CFAP299: variants seen among roughly 807,000 people sequenced by gnomAD.
The protein encoded by CFAP299 is cilia- and flagella-associated protein 299.
In CFAP299, 21 loss-of-function variants were observed where a neutral mutation model predicts 27.0. The observed-to-expected ratio is 0.78, with a 90% CI of 0.55 to 1.12. CFAP299 has a LOEUF of 1.12. Ranked by LOEUF, CFAP299 falls within the 50% of genes most tolerant of loss-of-function variation. CFAP299 has a pLI of 0.00. For synonymous variants in CFAP299, 104 were observed against 98.1 expected (o/e 1.06, Z -0.36); for missense variants, 310 against 276.6 (o/e 1.12, Z -0.86).
the CFAP299 span, among the ~76,000 whole-genome samples, chr4:80,328,323 A>G: frequency 1.3e-5 from 2 of 152,202 alleles, no homozygotes; most frequent in African/African-American, 4.8e-5. Context: ...GAGTGGGAGA[A>G]ATGGACAAAG....
chr4:80,824,193 C>A lies in CFAP299; in HGVS notation c.334-45800C>A, dbSNP rs959889507. Among the ~76,000 whole-genome samples, 6 of 152,216 alleles carry A rather than the reference C, an allele frequency of 3.9e-5. No homozygotes were observed. The East Asian group carries it at 9.7e-4, about 24-fold the overall frequency. On this transcript the variant is annotated intron_variant, in intron 3 of 5. Coordinates refer to ENST00000358105, the MANE Select transcript of CFAP299 (RefSeq NM_152770.3). ...TTGGTTTTGTATGAATACTTTGGAA[C>A]TTTTAAGTCTATTGAAGGCTTTAAG...
chr4:80,385,821 G>T (rs937046581), intron 2 of CFAP299, among the ~76,000 whole-genome samples: 3 of 152,262 alleles, frequency 2.0e-5, no homozygotes, highest in Non-Finnish European at 4.4e-5. Context: ...CCTGGAGGCA[G>T]CCTGGAGGCA....
At chr4:80,566,204 C>T (rs1735274516) in intron 2 of CFAP299, among the ~76,000 whole-genome samples, 2 of 152,008 alleles carry the variant, frequency 1.3e-5, no homozygotes, top group South Asian at 4.1e-4. Context: ...AACTTATATC[C>T]CAGTATTTCA....
intron 4 of CFAP299, among the ~76,000 whole-genome samples, chr4:80,908,484 A>G (rs1056890620): frequency 2.6e-5 from 4 of 152,196 alleles, no homozygotes; most frequent in South Asian, 2.1e-4. Context: ...AAGTTTGGAA[A>G]AAATTAGTGG....
At chr4:80,925,227 T>A (rs1473256643) in intron 4 of CFAP299, among the ~76,000 whole-genome samples, 1 of 152,014 alleles carries the variant, frequency 6.6e-6, no homozygotes, top group Non-Finnish European at 1.5e-5. Context: ...ACTCTTAATC[T>A]TCTTCTTCTG....
At chr4:80,418,619 C>T (rs909526990) in intron 2 of CFAP299, among the ~76,000 whole-genome samples, 3 of 152,156 alleles carry the variant, frequency 2.0e-5, no homozygotes, top group Admixed American at 6.5e-5. Flanking sequence ...GGCTTCGTAT[C>T]CTTTGACTAT....
chr4:80,390,638 CAT>C (rs1281301755), intron 2 of CFAP299, among the ~76,000 whole-genome samples: 8 of 128,738 alleles, frequency 6.2e-5, no homozygotes, highest in African/African-American at 1.8e-4. Context: ...TATGTATACA[CAT>C]ATATGTATGT....
chr4:80,325,131 CAAAT>C, the CFAP299 span, among the ~76,000 whole-genome samples: 4 of 152,120 alleles, frequency 2.6e-5, no homozygotes, highest in African/African-American at 4.8e-5. Flanking sequence ...TCAAAACAAA[CAAAT>C]AATCAGAAAA....
chr4:80,527,039 G>C (rs1453972899), intron 2 of CFAP299, among the ~76,000 whole-genome samples: 1 of 152,072 alleles, frequency 6.6e-6, no homozygotes, highest in Non-Finnish European at 1.5e-5. Flanking sequence ...CTAATACCTA[G>C]GGAAGCCATT....
At chr4:80,736,348 C>G (rs1723870948) in intron 3 of CFAP299, among the ~76,000 whole-genome samples, 1 of 151,980 alleles carries the variant, frequency 6.6e-6, no homozygotes, top group Admixed American at 6.6e-5. Flanking sequence ...AATCCTTTCC[C>G]CATTGCTTGT....
chr4:80,576,974 C>T (rs1365872897), intron 2 of CFAP299, among the ~76,000 whole-genome samples: 2 of 152,202 alleles, frequency 1.3e-5, no homozygotes, highest in Admixed American at 6.5e-5. Context: ...GACCAGCCGA[C>T]TCTGATTACT....
intron 3 of CFAP299, among the ~76,000 whole-genome samples, chr4:80,659,678 G>A (rs2109979610): frequency 6.6e-6 from 1 of 152,114 alleles, no homozygotes; most frequent in Non-Finnish European, 1.5e-5. Flanking sequence ...ACTTATACAA[G>A]ACTTCTCATG....
At chr4:80,505,910 G>A (rs960260983) in intron 2 of CFAP299, among the ~76,000 whole-genome samples, 48 of 151,940 alleles carry the variant, frequency 3.2e-4, no homozygotes, top group African/African-American at 1.1e-3. Flanking sequence ...AGTGCTCTAT[G>A]ATTATGGCTA....
chr4:80,836,570 G>A (rs1730571568), intron 3 of CFAP299, among the ~76,000 whole-genome samples: 1 of 152,118 alleles, frequency 6.6e-6, no homozygotes, highest in African/African-American at 2.4e-5. Flanking sequence ...AATCACAACT[G>A]GGAAAGGTTG....
intron 2 of CFAP299, among the ~76,000 whole-genome samples, chr4:80,424,110 T>C (rs936460004): frequency 6.6e-6 from 1 of 152,164 alleles, no homozygotes; most frequent in African/African-American, 2.4e-5. Flanking sequence ...CTGATCAGTC[T>C]TAAGCCATTT....
intron 4 of CFAP299, among the ~76,000 whole-genome samples, chr4:80,905,128 C>T (rs1735118432): frequency 1.3e-5 from 2 of 152,100 alleles, no homozygotes; most frequent in African/African-American, 4.8e-5. Flanking sequence ...TGAAGGGCCT[C>T]ATTTATTGAA....
At chr4:80,742,947 C>T (rs568812528) in intron 3 of CFAP299, among the ~76,000 whole-genome samples, 8 of 152,222 alleles carry the variant, frequency 5.3e-5, no homozygotes, top group Non-Finnish European at 8.8e-5. Flanking sequence ...CCATTTGTCT[C>T]GATACTTCAT....
intron 3 of CFAP299, among the ~76,000 whole-genome samples, chr4:80,704,543 A>G (rs1452494812): frequency 6.6e-6 from 1 of 151,832 alleles, no homozygotes; most frequent in Non-Finnish European, 1.5e-5. Flanking sequence ...TATGGATACT[A>G]TGTGATACAT....
chr4:80,709,579 A>G (rs931553371), intron 3 of CFAP299, among the ~76,000 whole-genome samples: 1 of 152,204 alleles, frequency 6.6e-6, no homozygotes. Context: ...CTGATTCAGC[A>G]AAGGCTCACA....
Sources: allele counts gnomAD v4.1 joint callset (sites outside exome capture counted in the v4.1 genomes callset), GRCh38; gene constraint gnomAD v4.1.1; transcripts MANE v1.5; gene names NCBI Gene and HGNC (gene_info 2026-07-23, HGNC 2026-07-21).